The following NRCAM variants were observed in gnomAD, a reference collection of about 807,000 sequenced individuals.
The protein encoded by NRCAM is neuronal cell adhesion molecule, also known as NgCAM-related cell adhesion molecule.
In NRCAM, 83 loss-of-function variants were observed where a neutral mutation model predicts 156.5. The observed-to-expected ratio is 0.53, with a 90% CI of 0.44 to 0.64. The LOEUF is 0.64. Ranked by LOEUF, NRCAM falls within the 30% of genes least tolerant of loss-of-function variation. The pLI is 0.00. For missense variants in NRCAM, 1,417 were observed against 1,597.3 expected, an observed-to-expected ratio of 0.89 and a Z score of 1.92; for synonymous variants, 538 against 563.9, an observed-to-expected ratio of 0.95 and a Z score of 0.65.
chr7:108,231,929 A>C (rs917331845), intron 7 of NRCAM, among the ~76,000 whole-genome samples: 1 of 152,202 alleles, frequency 6.6e-6, no homozygotes, highest in Non-Finnish European at 1.5e-5. Flanking sequence ...ACTTCCAGTA[A>C]AATTTTGAAA....
At chr7:108,313,815 G>C (rs1420875692) in intron 2 of NRCAM, among the ~76,000 whole-genome samples, 1 of 151,964 alleles carries the variant, frequency 6.6e-6, no homozygotes, top group African/African-American at 2.4e-5. Flanking sequence ...AAAAACCCTA[G>C]AGTTGTGTAG....
chr7:108,338,816 GTTC>G (rs1238906818), intron 2 of NRCAM, among the ~76,000 whole-genome samples: 19 of 144,640 alleles, frequency 1.3e-4, no homozygotes, highest in Admixed American at 2.1e-4. Context: ...ATACTACCTT[GTTC>G]TCAGTGTAAA....
In NRCAM at chr7:108,178,363, A is replaced by C. The variant is rs2061767633; in HGVS notation, c.2852-251T>G. 4 of 480,216 alleles carry C rather than the reference A, an allele frequency of 8.3e-6. No homozygotes were observed. The East Asian group carries it at 1.9e-4, about 23-fold the overall frequency. 29.7% of individuals were successfully genotyped at this position (480,216 alleles called of 1,614,324 possible). A position where few individuals can be genotyped will look rare whatever the true frequency, so the allele number is the denominator to read the frequency against. On this transcript the variant is annotated intron_variant, in intron 25 of 32. Transcript: ENST00000379028. ...CAAAACACATAATGACTTTGCCTTT[A>C]GATGGACTCAAACCTAATATTTTAA...
At chr7:108,340,387 T>TA (rs2099262308) in intron 2 of NRCAM, among the ~76,000 whole-genome samples, 2 of 137,912 alleles carry the variant, frequency 1.5e-5, no homozygotes, top group Non-Finnish European at 3.2e-5. Context: ...GCTATATTGA[T>TA]GTTTACAAGG....
At chr7:108,254,810 C>CA (rs1412238442) in intron 3 of NRCAM, among the ~76,000 whole-genome samples, 2 of 152,078 alleles carry the variant, frequency 1.3e-5, no homozygotes, top group Non-Finnish European at 2.9e-5. Context: ...CTGGACCTCC[C>CA]AAGTGCTTGG....
intron 2 of NRCAM, among the ~76,000 whole-genome samples, chr7:108,344,810 A>G (rs2099334670): frequency 1.3e-5 from 2 of 152,200 alleles, no homozygotes; most frequent in South Asian, 2.1e-4. Flanking sequence ...CATAGTTGAG[A>G]AAAAAAGTAC....
intron 2 of NRCAM, among the ~76,000 whole-genome samples, chr7:108,384,985 T>C (rs2099735427): frequency 6.6e-6 from 1 of 152,162 alleles, no homozygotes; most frequent in African/African-American, 2.4e-5. Flanking sequence ...AGCAGTATGA[T>C]CACCATCATG....
At chr7:108,245,970 G>A (rs1342788612) in intron 3 of NRCAM, among the ~76,000 whole-genome samples, 1 of 152,214 alleles carries the variant, frequency 6.6e-6, no homozygotes, top group Non-Finnish European at 1.5e-5. Flanking sequence ...GCTCATGTGT[G>A]TGAGACTAAT....
intron 2 of NRCAM, among the ~76,000 whole-genome samples, chr7:108,381,379 T>C (rs1212424539): frequency 1.3e-5 from 2 of 152,172 alleles, no homozygotes; most frequent in Non-Finnish European, 2.9e-5. Flanking sequence ...GTAAACTGCA[T>C]AGTCTAATTA....
At chr7:108,177,715 AC>A (rs1369634429) in intron 26 of NRCAM, among the ~76,000 whole-genome samples, 1 of 19,616 alleles carries the variant, frequency 5.1e-5, no homozygotes, top group African/African-American at 7.9e-5. Flanking sequence ...ATATATATAT[AC>A]GTGTGTATAT....
intron 3 of NRCAM, among the ~76,000 whole-genome samples, chr7:108,276,106 T>G (rs1043488519): frequency 5.9e-5 from 9 of 152,210 alleles, no homozygotes; most frequent in African/African-American, 2.2e-4. Flanking sequence ...AGGCAGTTTG[T>G]GTGATTTCTT....
chr7:108,343,461 C>T (rs947294482), intron 2 of NRCAM, among the ~76,000 whole-genome samples: 7 of 152,154 alleles, frequency 4.6e-5, no homozygotes, highest in Non-Finnish European at 8.8e-5. Context: ...TAGAAGGGAA[C>T]TGCCAAGCGG....
At chr7:108,261,531 G>A (rs546436842) in intron 3 of NRCAM, among the ~76,000 whole-genome samples, 1 of 152,300 alleles carries the variant, frequency 6.6e-6, no homozygotes, top group South Asian at 2.1e-4. Context: ...TCATAGACTT[G>A]AAAGGCCAAA....
At chr7:108,436,216 T>C (rs1237221625) in intron 1 of NRCAM, among the ~76,000 whole-genome samples, 3 of 144,862 alleles carry the variant, frequency 2.1e-5, no homozygotes, top group Admixed American at 1.4e-4. Context: ...AATTGCAAAA[T>C]GGATGGGCTA....
intron 1 of NRCAM, among the ~76,000 whole-genome samples, chr7:108,444,001 C>T (rs1841729190): frequency 6.6e-6 from 1 of 151,952 alleles, no homozygotes. Flanking sequence ...GATAGGGATA[C>T]AATTGGCCTT....
chr7:108,205,981 A>C (rs2153560309), intron 13 of NRCAM, among the ~76,000 whole-genome samples: 1 of 152,304 alleles, frequency 6.6e-6, no homozygotes, highest in South Asian at 2.1e-4. Context: ...ACACAACCAC[A>C]AAGTACTCTC....
At chr7:108,404,994 A>T (rs1467009103) in intron 1 of NRCAM, among the ~76,000 whole-genome samples, 1 of 152,198 alleles carries the variant, frequency 6.6e-6, no homozygotes, top group South Asian at 2.1e-4. Flanking sequence ...AGGAAATGTG[A>T]TTTTTTCCTC....
intron 1 of NRCAM, among the ~76,000 whole-genome samples, chr7:108,422,315 G>A (rs1412759897): frequency 6.6e-6 from 1 of 152,018 alleles, no homozygotes; most frequent in Non-Finnish European, 1.5e-5. Flanking sequence ...CACTTTACAT[G>A]GATTATCTTA....
chr7:108,368,628 T>C (rs1367629962), intron 2 of NRCAM, among the ~76,000 whole-genome samples: 1 of 152,162 alleles, frequency 6.6e-6, no homozygotes, highest in African/African-American at 2.4e-5. Flanking sequence ...GACTTGAAAA[T>C]TAAATTTCTC....
Sources: allele counts gnomAD v4.1 joint callset (sites outside exome capture counted in the v4.1 genomes callset), GRCh38; gene constraint gnomAD v4.1.1; transcripts MANE v1.5; gene names NCBI Gene and HGNC (gene_info 2026-07-23, HGNC 2026-07-21).